Variants in CEP85L observed in about 807,000 individuals in gnomAD.
CEP85L encodes centrosomal protein 85L.
CEP85L carries 60 observed loss-of-function variants against 100.3 expected under a neutral mutation model. That is an observed-to-expected ratio of 0.60 (90% CI 0.49 to 0.74). The LOEUF (loss-of-function observed/expected upper bound fraction) is 0.74, where lower values mean the gene tolerates loss of function less well. CEP85L is among the 30% of genes least tolerant of loss of function. CEP85L has a pLI of 0.00. For synonymous variants in CEP85L, 319 were observed against 322.7 expected (o/e 0.99, Z 0.12); for missense variants, 973 against 936.2 (o/e 1.04, Z -0.51).
At chr6:118,707,745 G>A (rs1777641646) in intron 1 of CEP85L, among the ~76,000 whole-genome samples, 1 of 152,048 alleles carries the variant, frequency 6.6e-6, no homozygotes, top group South Asian at 2.1e-4. Context: ...ATTTAAACAT[G>A]TGCAAACTTT....
chr6:118,465,704 A>G (rs1772465625), intron 12 of CEP85L, 136 bp from the exon 13 acceptor site: 4 of 704,436 alleles, frequency 5.7e-6, no homozygotes, highest in Non-Finnish European at 2.3e-6. Context: ...AGTTATGTTT[A>G]AATCATGCAT....
At chr6:118,510,237 C>T (rs1250992976) in intron 5 of CEP85L, among the ~76,000 whole-genome samples, 3 of 147,022 alleles carry the variant, frequency 2.0e-5, no homozygotes, top group Non-Finnish European at 4.6e-5. Flanking sequence ...TAGAATCAGA[C>T]CTCATTGTAG....
intron 10 of CEP85L, among the ~76,000 whole-genome samples, chr6:118,472,554 TAAC>T (rs1402868329): frequency 1.3e-5 from 2 of 152,142 alleles, no homozygotes; most frequent in Non-Finnish European, 2.9e-5. Context: ...GTTTAAAAGA[TAAC>T]AAGAAAAATT....
At chr6:118,603,178 T>C (rs1263414722) in intron 2 of CEP85L, among the ~76,000 whole-genome samples, 1 of 152,140 alleles carries the variant, frequency 6.6e-6, no homozygotes, top group Non-Finnish European at 1.5e-5. Flanking sequence ...CAAGTAGCTA[T>C]GAATTGGGTA....
chr6:118,616,819 C>A (rs961556420), intron 2 of CEP85L, among the ~76,000 whole-genome samples: 5 of 151,678 alleles, frequency 3.3e-5, no homozygotes, highest in Admixed American at 3.3e-4. Context: ...GTGGCGTGCA[C>A]CTGTAATCCC....
chr6:118,664,985 A>G (rs977624923), intron 1 of CEP85L, among the ~76,000 whole-genome samples: 8 of 152,234 alleles, frequency 5.3e-5, no homozygotes, highest in Non-Finnish European at 1.2e-4. Flanking sequence ...TTTTGAAGAA[A>G]TCCTTTACCA....
rs769169409 is a variant in CEP85L at position 118,483,737 on chromosome 6, G to A, written c.1559C>T (p.Thr520Ile). The change falls in exon 7 of 13, where the codon ACT becomes ATT. Residue 520 changes from threonine (T) to isoleucine (I), a missense_variant. Thr to Ile is a moderately conservative substitution (Grantham distance 89). This residue lies in a region of CEP85L where 890 missense variants were observed against 844.5 expected (regional missense o/e 1.05). Transcript: ENST00000368491. The stretch of plus-strand genomic sequence containing the variant: ...ACTCTGACTCTGTACATCATCTAGA[G>A]TTGGAAGATCAGCCAGATACTTTTC... Reference protein sequence around the residue: ...TLEKYLADLPTLDDVQSQSLQ... With the variant: ...TLEKYLADLPILDDVQSQSLQ... 2 of 1,613,706 alleles carry A rather than the reference G, an allele frequency of 1.2e-6. No homozygotes were observed. Among genetic ancestry groups the A allele is most frequent in the Non-Finnish European group, 8.5e-7 (1 of 1,179,806 alleles).
intron 1 of CEP85L, among the ~76,000 whole-genome samples, chr6:118,679,780 A>G (rs1163208674): frequency 2.0e-5 from 3 of 152,232 alleles, no homozygotes. Flanking sequence ...GCAAACCACC[A>G]GTTTGCCTCC....
chr6:118,521,236 T>C (rs1265797076), intron 4 of CEP85L, among the ~76,000 whole-genome samples: 1 of 152,216 alleles, frequency 6.6e-6, no homozygotes, highest in Non-Finnish European at 1.5e-5. Flanking sequence ...ATCAACATTT[T>C]AAAGGCCATT....
chr6:118,526,124 C>T (rs1280709120), intron 3 of CEP85L, among the ~76,000 whole-genome samples: 3 of 152,222 alleles, frequency 2.0e-5, no homozygotes, highest in Admixed American at 2.0e-4. Context: ...CATAGTGTTA[C>T]AGGGGCAGGT....
At chr6:118,497,914 TTCTG>T (rs2114643604) in intron 5 of CEP85L, among the ~76,000 whole-genome samples, 1 of 152,346 alleles carries the variant, frequency 6.6e-6, no homozygotes, top group South Asian at 2.1e-4. Flanking sequence ...TTATGTATGT[TTCTG>T]TGTATGTGTG....
At chr6:118,620,725 C>T (rs765551655) in intron 2 of CEP85L, among the ~76,000 whole-genome samples, 4 of 152,122 alleles carry the variant, frequency 2.6e-5, no homozygotes, top group South Asian at 2.1e-4. Context: ...GACACCAGCA[C>T]GGTCTTCTCA....
chr6:118,687,640 C>T (rs1367702696), intron 1 of CEP85L, among the ~76,000 whole-genome samples: 1 of 152,206 alleles, frequency 6.6e-6, no homozygotes, highest in Non-Finnish European at 1.5e-5. Context: ...GCAACAGCAA[C>T]CCCCTTTGGG....
chr6:118,565,906 C>T lies in CEP85L; in HGVS notation c.643G>A (p.Asp215Asn). 1.9e-6 allele frequency: 3 copies of T among 1,614,064 alleles called. No individual in the cohort carries two copies. The highest frequency in any genetic ancestry group is 1.3e-5 in the African/African-American group (1 of 75,012). Reference protein sequence around the residue: ...HDSMEMLRLEDKEINKKRSST... With the variant: ...HDSMEMLRLENKEINKKRSST... ...GACCGTTTTTTATTTATTTCCTTGTCCTCTAACCTAAGCATCTCCATACTA... is the reference window on the plus strand; with the variant it reads ...GACCGTTTTTTATTTATTTCCTTGTTCTCTAACCTAAGCATCTCCATACTA... The change falls in exon 3 of 13, where the codon GAC (aspartate) becomes AAC (asparagine). Residue 215 changes from aspartate to asparagine, a missense_variant. Around this residue, in one of 3 missense-constraint regions of CEP85L, gnomAD observed 890 missense variants for 844.5 expected, o/e 1.05. Coordinates refer to ENST00000368491, the MANE Select transcript of CEP85L (RefSeq NM_001042475.3).
At chr6:118,630,490 T>G (rs1173611350) in intron 2 of CEP85L, among the ~76,000 whole-genome samples, 1 of 152,180 alleles carries the variant, frequency 6.6e-6, no homozygotes, top group African/African-American at 2.4e-5. Flanking sequence ...ACACGGCTGT[T>G]TACAGCAACT....
At chr6:118,686,050 G>T (rs942983077) in intron 1 of CEP85L, among the ~76,000 whole-genome samples, 3 of 152,156 alleles carry the variant, frequency 2.0e-5, no homozygotes, top group Admixed American at 2.0e-4. Context: ...TGGGCCACTG[G>T]GTGACCATGA....
At chr6:118,681,092 A>G (rs1490045517) in intron 1 of CEP85L, among the ~76,000 whole-genome samples, 2 of 152,256 alleles carry the variant, frequency 1.3e-5, no homozygotes, top group Non-Finnish European at 2.9e-5. Flanking sequence ...TAGTCCATAA[A>G]GAACTTTCAC....
At chr6:118,602,123 C>T (rs895358595) in intron 2 of CEP85L, among the ~76,000 whole-genome samples, 2 of 152,136 alleles carry the variant, frequency 1.3e-5, no homozygotes, top group Non-Finnish European at 2.9e-5. Flanking sequence ...TCTTCTGTAA[C>T]TTCTTCAGGC....
At position 118,462,912 on chromosome 6, in the gene CEP85L, G is replaced by A. The variant is rs997860164; in HGVS notation, c.*2493C>T. On this transcript the variant is annotated 3_prime_UTR_variant, in exon 13 of 13. Transcript: ENST00000368491. ...CAATTCCCCCACAAAATCCCTCCAA[G>A]TCTATCTACTGTTTATGTAGGCCCC... The A allele has an allele frequency of 1.3e-5, 2 of 151,784 alleles. No homozygotes were observed. Among genetic ancestry groups the A allele is most frequent in the Non-Finnish European group, 2.9e-5 (2 of 67,852 alleles). 9.4% of individuals were successfully genotyped at this position (151,784 alleles called of 1,614,324 possible). A position where few individuals can be genotyped will look rare whatever the true frequency, so the allele number is the denominator to read the frequency against.
Sources: gnomAD v4.1 joint callset for allele counts (sites outside exome capture counted in the v4.1 genomes callset) on GRCh38, gnomAD v4.1.1 for gene constraint, gnomAD v4.1.1 regional missense constraint, MANE v1.5 for transcripts, NCBI Gene and HGNC (gene_info 2026-07-23, HGNC 2026-07-21) for gene names.